LCP2: variants seen among roughly 807,000 people sequenced by gnomAD.
LCP2 encodes the protein lymphocyte cytosolic protein 2, also known as 76 kDa tyrosine phosphoprotein.
In LCP2, 29 loss-of-function variants were observed where a neutral mutation model predicts 74.5. The ratio of observed to expected loss-of-function variants is 0.39; its 90% CI spans 0.29 to 0.53. The LOEUF (loss-of-function observed/expected upper bound fraction) is 0.53, where lower values mean the gene tolerates loss of function less well. Among genes scored for constraint, LCP2 ranks in the 20% least tolerant of loss-of-function variants. LCP2 has a pLI of 0.72. For synonymous variants in LCP2, 228 were observed against 229.5 expected, an observed-to-expected ratio of 0.99 and a Z score of 0.06; for missense variants, 604 against 634.6, an observed-to-expected ratio of 0.95 and a Z score of 0.52.
intron 2 of LCP2, among the ~76,000 whole-genome samples, chr5:170,289,647 T>TTCTCTCTCTCTCTCTCTC (rs1762246889): frequency 3.9e-4 from 43 of 108,934 alleles, no homozygotes; most frequent in African/African-American, 1.4e-3. Context: ...CTTTCTTTCT[T>TTCTCTCTCTCTCTCTCTC]TCTTTCTTTC....
At chr5:170,277,139 AC>A (rs1250453419) in intron 3 of LCP2, among the ~76,000 whole-genome samples, 1 of 147,506 alleles carries the variant, frequency 6.8e-6, no homozygotes, top group Non-Finnish European at 1.5e-5. Flanking sequence ...GGTAAAGGCC[AC>A]CCCTTTTCCC....
At position 170,283,209 on chromosome 5, in the gene LCP2, A is replaced by G. The variant is rs537805391; in HGVS notation, c.188+4761T>C. 2.6e-5 allele frequency among the ~76,000 whole-genome samples: 4 copies of G among 152,292 alleles called. No individual in the cohort carries two copies. The South Asian group carries it at 8.3e-4, about 32-fold the overall frequency. On this transcript the variant is annotated intron_variant, in intron 3 of 20. Transcript: ENST00000046794. ...CAAACACATTGGAGGAGGGGATTAC[A>G]TCGCAGGCCAAGCTTTTGTTTTAGT... is the stretch of plus-strand genomic sequence containing the variant.
At chr5:170,290,974 A>AAGAAAGAAAGAAAGAAAGAAAGAG (rs1762281648) in intron 2 of LCP2, among the ~76,000 whole-genome samples, 2 of 91,846 alleles carry the variant, frequency 2.2e-5, no homozygotes, top group African/African-American at 8.9e-5. Flanking sequence ...GAAAGAAAGA[A>AAGAAAGAAAGAAAGAAAGAAAGAG]AGAAAGAAAG....
intron 14 of LCP2, among the ~76,000 whole-genome samples, chr5:170,259,627 A>G (rs889879563): frequency 9.2e-5 from 14 of 152,204 alleles, no homozygotes; most frequent in African/African-American, 3.4e-4. Flanking sequence ...ATCTTTCTCA[A>G]AGTGTTGTTA....
intron 2 of LCP2, among the ~76,000 whole-genome samples, chr5:170,289,646 T>TTTCTTTC (rs1762246824): frequency 8.9e-6 from 1 of 112,130 alleles, no homozygotes; most frequent in African/African-American, 3.8e-5. Flanking sequence ...TCTTTCTTTC[T>TTTCTTTC]TTCTTTCTTT....
At chr5:170,293,553 T>A (rs1561979966) in intron 1 of LCP2, among the ~76,000 whole-genome samples, 181 bp from the exon 2 acceptor site, 1 of 152,212 alleles carries the variant, frequency 6.6e-6, no homozygotes, top group South Asian at 2.1e-4. Context: ...CACTACCCCC[T>A]TGGGACTGCC....
chr5:170,258,603 C>T, intron 15 of LCP2: 1 of 411,886 alleles, frequency 2.4e-6, no homozygotes, highest in Non-Finnish European at 4.3e-6. Flanking sequence ...TTCCATCAAA[C>T]CATGCATGCA....
chr5:170,290,898 C>T (rs1056895161), intron 2 of LCP2, among the ~76,000 whole-genome samples: 1 of 119,692 alleles, frequency 8.4e-6, no homozygotes, highest in Non-Finnish European at 1.8e-5. Context: ...CAGTGGAAAA[C>T]AAAAATGGCA....
intron 6 of LCP2, 81 bp downstream of exon 6, chr5:170,274,220 T>C (rs1761946495): frequency 1.4e-6 from 2 of 1,445,624 alleles, no homozygotes; most frequent in African/African-American, 2.8e-5. Context: ...CCCGCTTCAC[T>C]TGGCTCCATC....
chr5:170,268,330 G>T, intron 8 of LCP2, 55 bp downstream of exon 8: 2 of 280,548 alleles, frequency 7.1e-6, no homozygotes. Context: ...CTCTCTGGCG[G>T]AGGAAATAAC....
intron 6 of LCP2, among the ~76,000 whole-genome samples, chr5:170,271,415 T>A (rs147863348): frequency 3.2e-4 from 48 of 152,112 alleles, no homozygotes; most frequent in African/African-American, 1.1e-3. Flanking sequence ...AAACAAAGCC[T>A]GTTAAGTGGA....
intron 2 of LCP2, among the ~76,000 whole-genome samples, chr5:170,292,186 C>T (rs536587698): frequency 2.0e-5 from 3 of 152,220 alleles, no homozygotes; most frequent in Non-Finnish European, 2.9e-5. Flanking sequence ...AAAAGCAGTT[C>T]GGGAAACTGC....
intron 10 of LCP2, among the ~76,000 whole-genome samples, chr5:170,264,904 A>T (rs1006087817): frequency 6.6e-6 from 1 of 151,534 alleles, no homozygotes; most frequent in East Asian, 1.9e-4. Flanking sequence ...TTGGGGTGGA[A>T]CCTCTACTTT....
intron 2 of LCP2, among the ~76,000 whole-genome samples, chr5:170,289,651 T>TTCTCTCTCTCTCTCTCTCTC (rs1762247411): frequency 8.9e-6 from 1 of 112,686 alleles, no homozygotes; most frequent in African/African-American, 3.4e-5. Context: ...CTTTCTTTCT[T>TTCTCTCTCTCTCTCTCTCTC]TCTTTCTTTC....
At chr5:170,271,190 G>C (rs1426836962) in intron 6 of LCP2, among the ~76,000 whole-genome samples, 1 of 152,220 alleles carries the variant, frequency 6.6e-6, no homozygotes, top group African/African-American at 2.4e-5. Flanking sequence ...GAAGAAAGGG[G>C]AAGGATGCTG....
intron 2 of LCP2, among the ~76,000 whole-genome samples, chr5:170,291,963 A>G (rs76460256): frequency 0.013 from 2,046 of 152,344 alleles, 54 homozygotes; most frequent in African/African-American, 0.047. Context: ...AAATGGTATC[A>G]GACTAAATTA....
At chr5:170,290,301 G>T (rs1334362136) in intron 2 of LCP2, among the ~76,000 whole-genome samples, 1 of 152,128 alleles carries the variant, frequency 6.6e-6, no homozygotes, top group African/African-American at 2.4e-5. Flanking sequence ...TGGCAGACAT[G>T]GCTGCTTGCC....
At chr5:170,266,525 A>C (rs989012153) in intron 10 of LCP2, among the ~76,000 whole-genome samples, 2 of 152,210 alleles carry the variant, frequency 1.3e-5, no homozygotes, top group African/African-American at 2.4e-5. Context: ...TCCACATCAC[A>C]TAGAGAAGCA....
Position 170,258,154 on chromosome 5 carries a change from G to A in LCP2, c.983C>T (p.Pro328Leu), listed in dbSNP as rs766913071. Reference sequence around the variant, plus strand: ...AGGAAGTAGTGCTGGCTGGGGCAAAGGTCTCTGATGCACTGTGCAGAAGTA... The same window carrying A: ...AGGAAGTAGTGCTGGCTGGGGCAAAAGTCTCTGATGCACTGTGCAGAAGTA... ...ENDEDDVHQR[P>L]LPQPALLPMS... Residue 328 changes from proline (P) to leucine (L), a missense_variant, in exon 16 of 21, where the codon CCT becomes CTT. By Grantham distance (98) the Pro-to-Leu change is moderately conservative. Coordinates refer to ENST00000046794, the MANE Select transcript of LCP2 (RefSeq NM_005565.5). 2.4e-5 allele frequency: 38 copies of A among 1,613,830 alleles called. No individual in the cohort carries two copies. Among genetic ancestry groups the A allele is most frequent in the Non-Finnish European group, 3.1e-5 (37 of 1,179,842 alleles).
Sources: gnomAD v4.1 joint callset for allele counts (sites outside exome capture counted in the v4.1 genomes callset) on GRCh38, gnomAD v4.1.1 for gene constraint, MANE v1.5 for transcripts, NCBI Gene and HGNC (gene_info 2026-07-23, HGNC 2026-07-21) for gene names.